BTNL9: variants seen among roughly 807,000 people sequenced by gnomAD.
BTNL9 encodes butyrophilin-like protein 9.
BTNL9 carries 45 observed loss-of-function variants against 45.8 expected under a neutral mutation model. The observed-to-expected ratio is 0.98, with a 90% CI of 0.77 to 1.26. The LOEUF is 1.26. Among genes scored for constraint, BTNL9 ranks in the 50% most tolerant of loss-of-function variants. The pLI is 0.00. For synonymous variants in BTNL9, 346 were observed against 330.8 expected, an observed-to-expected ratio of 1.05 and a Z score of -0.50; for missense variants, 784 against 729.7, an observed-to-expected ratio of 1.07 and a Z score of -0.86.
Position 181,053,173 on chromosome 5 carries a change from G to C in BTNL9, c.737-27G>C. ...CTCGGTGCTCAGCGGCGCCTGGACC[G>C]ACACGGCCCCCGCGGGTGTTTTCCA... On this transcript the variant is annotated intron_variant, in intron 4 of 10. Transcript: ENST00000327705. The surrounding 1 kb of genome is among the most constrained non-coding windows in gnomAD (Gnocchi z 6.5). 2 of 1,557,106 alleles carry C rather than the reference G, an allele frequency of 1.3e-6. No homozygotes were observed. Among genetic ancestry groups the C allele is most frequent in the South Asian group, 1.2e-5 (1 of 85,714 alleles).
chr5:181,059,168 C>T (rs1762028552), intron 10 of BTNL9, 69 bp from the exon 11 acceptor site: 3 of 1,412,278 alleles, frequency 2.1e-6, no homozygotes, highest in South Asian at 1.5e-5. Context: ...GAGGTTTGTC[C>T]GCCTTGGGGA....
Position 181,059,007 on chromosome 5 carries a change from C to CTTCCAG in BTNL9, c.983-226_983-221dup, listed in dbSNP as rs1347025112. On this transcript the variant is annotated intron_variant, in intron 10 of 10. Transcript: ENST00000327705. ...TATCTCTGGTATGGAATTCAGGGAC[C>CTTCCAG]TTCCAGTTCAGGAAAGGACAGGATT... 3 of 305,354 alleles carry CTTCCAG rather than the reference C, an allele frequency of 9.8e-6. No homozygotes were observed. The East Asian group carries it at 5.2e-4, about 53-fold the overall frequency. 18.9% of individuals were successfully genotyped at this position (305,354 alleles called of 1,614,324 possible). A position where few individuals can be genotyped will look rare whatever the true frequency, so the allele number is the denominator to read the frequency against.
Position 181,053,412 on chromosome 5 carries a change from C to T in BTNL9, c.854-57C>T, listed in dbSNP as rs1450203351. The T allele has an allele frequency of 1.9e-6, 3 of 1,539,858 alleles. No homozygotes were observed. The African/African-American group carries it at 4.1e-5, about 21-fold the overall frequency. On this transcript the variant is annotated intron_variant, in intron 5 of 10. Coordinates refer to ENST00000327705, the MANE Select transcript of BTNL9 (RefSeq NM_152547.5). The surrounding 1 kb of genome is among the most constrained non-coding windows in gnomAD (Gnocchi z 6.5). ...CCCCCCAGGACGCGGCGCGGGAAGG[C>T]GGCCTGGAAGGGGCGGGGGCGCGCA...
Position 181,055,869 on chromosome 5 carries a change from C to T in BTNL9, c.929-120C>T. The T allele has an allele frequency of 1.7e-6, 2 of 1,156,088 alleles. No homozygotes were observed. Among genetic ancestry groups the T allele is most frequent in the Non-Finnish European group, 1.3e-6 (1 of 762,046 alleles). The allele number at this position is 1,156,088 out of a possible 1,614,324, so 71.6% of individuals were successfully genotyped here. On this transcript the variant is annotated intron_variant, in intron 8 of 10. Coordinates refer to ENST00000327705, the MANE Select transcript of BTNL9 (RefSeq NM_152547.5). The surrounding 1 kb of genome is among the most constrained non-coding windows in gnomAD (Gnocchi z 4.4). ...ACCAGGTATGATGCCCAGGCAGGAC[C>T]CCTGCTGGCTATGTGGGTGGTGGGG...
rs1420713555 is a variant in BTNL9, at chr5:181,053,852, G to T, written c.886+351G>T. The T allele has an allele frequency of 4.0e-6, 6 of 1,507,686 alleles. No individual in the cohort carries two copies. Among genetic ancestry groups the T allele is most frequent in the Non-Finnish European group, 4.4e-6 (5 of 1,129,052 alleles). 93.4% of individuals were successfully genotyped at this position (1,507,686 alleles called of 1,614,324 possible). On this transcript the variant is annotated intron_variant, in intron 6 of 10. Transcript: ENST00000327705. The surrounding 1 kb of genome is among the most constrained non-coding windows in gnomAD (Gnocchi z 6.5). ...TCCAGGTTTTCATAGCGCACAGGGA[G>T]TCGGGCGGATGCGCAACATCTCCGC...
chr5:181,047,180 C>T (rs1459250346), intron 2 of BTNL9, among the ~76,000 whole-genome samples: 5 of 152,078 alleles, frequency 3.3e-5, no homozygotes, highest in South Asian at 2.1e-4. Context: ...ACCGTGCGTG[C>T]GGAAGAACTG....
At chr5:181,044,501 G>C in intron 1 of BTNL9, among the ~76,000 whole-genome samples, 1 of 152,306 alleles carries the variant, frequency 6.6e-6, no homozygotes, top group Middle Eastern at 3.4e-3. Flanking sequence ...GGGAAGGGAG[G>C]TGCTGACTTT....
chr5:181,053,727 T>C lies in BTNL9; in HGVS notation c.886+226T>C. 2 of 1,514,608 alleles carry C rather than the reference T, an allele frequency of 1.3e-6. No individual in the cohort carries two copies. The highest frequency in any genetic ancestry group is 1.8e-6 in the Non-Finnish European group (2 of 1,131,234). 93.8% of individuals were successfully genotyped at this position (1,514,608 alleles called of 1,614,324 possible). ...TTTTCCACGGAGGCTAGTGCACAGA[T>C]GTCAGGGTTGACCGGCTGCTGTCGT... On this transcript the variant is annotated intron_variant, in intron 6 of 10. Transcript: ENST00000327705. The surrounding 1 kb of genome is among the most constrained non-coding windows in gnomAD (Gnocchi z 6.5).
chr5:181,051,510 T>C (rs780426235), intron 4 of BTNL9, among the ~76,000 whole-genome samples: 2 of 152,220 alleles, frequency 1.3e-5, no homozygotes, highest in African/African-American at 4.8e-5. Context: ...GGAATTGGGA[T>C]GGCCATCTGT....
intron 9 of BTNL9, 23 bp from the exon 10 acceptor site, chr5:181,058,329 T>C: frequency 6.2e-7 from 1 of 1,614,082 alleles, no homozygotes; most frequent in Non-Finnish European, 8.5e-7. Context: ...TGAGCTTTTT[T>C]CCCCTTTTCT....
chr5:181,041,206 G>C (rs1344329136), intron 1 of BTNL9, among the ~76,000 whole-genome samples: 2 of 152,222 alleles, frequency 1.3e-5, no homozygotes, highest in Non-Finnish European at 2.9e-5. Flanking sequence ...GAAACACTGG[G>C]ATCGCTCAGG....
At chr5:181,047,829 T>C in intron 2 of BTNL9, 98 bp from the exon 3 acceptor site, 12 of 1,087,890 alleles carry the variant, frequency 1.1e-5, no homozygotes, top group Non-Finnish European at 1.4e-5. Context: ...TTCTTGTTTT[T>C]ATGGTTTACT....
rs1251161026 is a variant in BTNL9, at chr5:181,053,529, C to T, written c.886+28C>T. 14 of 1,564,270 alleles carry T rather than the reference C, an allele frequency of 8.9e-6. No homozygotes were observed. Among genetic ancestry groups the T allele is most frequent in the African/African-American group, 2.7e-5 (2 of 74,158 alleles). On this transcript the variant is annotated intron_variant, in intron 6 of 10. Transcript: ENST00000327705. This position sits in a 1 kb window ranked among gnomAD's most constrained non-coding sequence, Gnocchi z 6.5. ...GAGCGGGGACAGGGCGTTCTGCACG[C>T]ACCTGCCCAAGTGCCAAAACCCGCC...
At chr5:181,045,701 GC>G in intron 2 of BTNL9, 103 bp downstream of exon 2, 7 of 908,014 alleles carry the variant, frequency 7.7e-6, no homozygotes, top group Non-Finnish European at 1.2e-5. Context: ...CGTGCCAGAC[GC>G]TAAAATACAA....
Position 181,059,891 on chromosome 5 carries a change from CG to C in BTNL9, c.*35del. The C allele has an allele frequency of 3.4e-6, 5 of 1,476,774 alleles. No homozygotes were observed. The highest frequency in any genetic ancestry group is 2.5e-5 in the East Asian group (1 of 40,372). The allele number at this position is 1,476,774 out of a possible 1,614,324, so 91.5% of individuals were successfully genotyped here. ...GCCCTCGTGGCCGCGGGACTGGCCC[CG>C]GGGGGCCCCCTGGATCCCAGGCCAG... On this transcript the variant is annotated 3_prime_UTR_variant, in exon 11 of 11. Coordinates refer to ENST00000327705, the MANE Select transcript of BTNL9 (RefSeq NM_152547.5).
At chr5:181,049,505 C>T (rs1761418402) in intron 3 of BTNL9, among the ~76,000 whole-genome samples, 1 of 152,120 alleles carries the variant, frequency 6.6e-6, no homozygotes, top group African/African-American at 2.4e-5. Context: ...AGAAACATTG[C>T]AAAAGGGAAC....
intron 3 of BTNL9, among the ~76,000 whole-genome samples, 167 bp downstream of exon 3, chr5:181,048,438 A>G (rs1761309520): frequency 6.6e-6 from 1 of 152,092 alleles, no homozygotes; most frequent in African/African-American, 2.4e-5. Flanking sequence ...CAGTTCACCA[A>G]AAAATACACA....
In BTNL9 at chr5:181,053,552, G is replaced by A. The variant is rs370252975; in HGVS notation, c.886+51G>A. 3.8e-5 allele frequency: 59 copies of A among 1,554,566 alleles called. No homozygotes were observed. Among genetic ancestry groups the A allele is most frequent in the Non-Finnish European group, 5.0e-5 (57 of 1,148,978 alleles). On this transcript the variant is annotated intron_variant, in intron 6 of 10. Coordinates refer to ENST00000327705, the MANE Select transcript of BTNL9 (RefSeq NM_152547.5). This position sits in a 1 kb window ranked among gnomAD's most constrained non-coding sequence, Gnocchi z 6.5. ...CGCACCTGCCCAAGTGCCAAAACCC[G>A]CCGTCATCTAAAGGCTGTGGGTCCC...
chr5:181,055,991 T>C lies in BTNL9; in HGVS notation c.931T>C (p.Trp311Arg), dbSNP rs768735483. The change falls in exon 9 of 11, where the codon TGG (tryptophan) becomes CGG (arginine). Residue 311 changes from tryptophan (W) to arginine (R), a missense_variant and splice_region_variant. Trp to Arg is a moderately radical substitution (Grantham distance 101). Transcript: ENST00000327705. The surrounding 1 kb of genome is among the most constrained non-coding windows in gnomAD (Gnocchi z 4.4). The stretch of plus-strand genomic sequence containing the variant: ...CTGTTTTCCCTTGGTTGCTTCAGAC[T>C]GGAGACGGGCTGAAGGCCAGGCTGG... ...ELEKLQTELD[W>R]RRAEGQAEWR... The C allele has an allele frequency of 3.7e-5, 60 of 1,614,062 alleles. No individual in the cohort carries two copies. The highest frequency in any genetic ancestry group is 4.9e-5 in the Non-Finnish European group (58 of 1,180,026).
Sources: allele counts gnomAD v4.1 joint callset (sites outside exome capture counted in the v4.1 genomes callset), GRCh38; gene constraint gnomAD v4.1.1; non-coding constraint Gnocchi (gnomAD v3.1); transcripts MANE v1.5; gene names NCBI Gene and HGNC (gene_info 2026-07-23, HGNC 2026-07-21).